LRMDA: variants seen among roughly 807,000 people sequenced by gnomAD.
LRMDA encodes the protein leucine-rich melanocyte differentiation-associated protein.
In LRMDA, 18 loss-of-function variants were observed where a neutral mutation model predicts 29.8. The observed-to-expected ratio is 0.60, with a 90% CI of 0.42 to 0.90. LRMDA has a LOEUF of 0.90. Among genes scored for constraint, LRMDA ranks in the 40% least tolerant of loss-of-function variants. LRMDA has a pLI of 0.00. For synonymous variants in LRMDA, 125 were observed against 109.4 expected (o/e 1.14, Z -0.89); for missense variants, 273 against 273.9 (o/e 1.00, Z 0.02).
rs533429965 is a variant in LRMDA, at chr10:75,736,515, A to G, written c.131+298021A>G. Among the ~76,000 whole-genome samples, 49 of 152,302 alleles carry G rather than the reference A, an allele frequency of 3.2e-4. 1 individual carries two copies. The South Asian group carries it at 8.9e-3, about 28-fold the overall frequency. On this transcript the variant is annotated intron_variant, in intron 2 of 6. Transcript: ENST00000611255. ...TACAGAGGCTTGATTGCATACTGTGAATACTGTTTATTGGAGAATGGGTAC... is the reference window on the plus strand; with the variant it reads ...TACAGAGGCTTGATTGCATACTGTGGATACTGTTTATTGGAGAATGGGTAC...
chr10:76,361,260 A>G (rs1841308492), intron 6 of LRMDA, among the ~76,000 whole-genome samples: 1 of 119,162 alleles, frequency 8.4e-6, no homozygotes, highest in South Asian at 2.8e-4. Context: ...GACTGTCTCA[A>G]AAAAAAAAAA....
chr10:76,303,967 C>T (rs1482586937), intron 5 of LRMDA, among the ~76,000 whole-genome samples: 2 of 152,090 alleles, frequency 1.3e-5, no homozygotes, highest in East Asian at 1.9e-4. Flanking sequence ...GGCCTCACTA[C>T]AACTCAGTTT....
chr10:75,654,663 T>A (rs1327843194), intron 2 of LRMDA, among the ~76,000 whole-genome samples: 2 of 152,166 alleles, frequency 1.3e-5, no homozygotes, highest in African/African-American at 2.4e-5. Context: ...CAAACCACAG[T>A]CATACACAGA....
At chr10:76,448,373 T>A (rs1385503499) in intron 6 of LRMDA, among the ~76,000 whole-genome samples, 1 of 152,116 alleles carries the variant, frequency 6.6e-6, no homozygotes, top group Non-Finnish European at 1.5e-5. Flanking sequence ...AATATCTCTC[T>A]TAGCATAAAT....
At chr10:75,458,494 A>G (rs1386881537) in intron 2 of LRMDA, among the ~76,000 whole-genome samples, 1 of 152,214 alleles carries the variant, frequency 6.6e-6, no homozygotes, top group Non-Finnish European at 1.5e-5. Flanking sequence ...TCTTCATTAG[A>G]ACAAAATAAA....
In LRMDA at chr10:75,982,219, C is replaced by G. The variant is rs184392175; in HGVS notation, c.132-53789C>G. On this transcript the variant is annotated intron_variant, in intron 2 of 6. Transcript: ENST00000611255. ...GCCTTTGGGGGTGAACCAGAATTTA[C>G]TGTGGTACTCTACACAGACAGTAGG... Among the ~76,000 whole-genome samples the G allele has an allele frequency of 3.2e-3, 492 of 152,302 alleles. 1 individual carries two copies. Among genetic ancestry groups the G allele is most frequent in the Middle Eastern group, 0.014 (4 of 294 alleles).
intron 2 of LRMDA, among the ~76,000 whole-genome samples, chr10:75,634,533 A>C (rs1265339731): frequency 1.3e-5 from 2 of 152,162 alleles, no homozygotes; most frequent in South Asian, 2.1e-4. Context: ...TCCCCAGGTG[A>C]CCAGTCCTCA....
At chr10:76,523,653 G>A (rs1843145188) in intron 6 of LRMDA, among the ~76,000 whole-genome samples, 1 of 152,158 alleles carries the variant, frequency 6.6e-6, no homozygotes, top group Non-Finnish European at 1.5e-5. Flanking sequence ...GTTATTTATG[G>A]TCCTCGTTCA....
intron 5 of LRMDA, among the ~76,000 whole-genome samples, chr10:76,226,562 G>C (rs185078578): frequency 1.8e-4 from 28 of 152,078 alleles, no homozygotes; most frequent in African/African-American, 6.5e-4. Flanking sequence ...CAGCCTTGGC[G>C]ACAAGAGCAA....
At chr10:75,883,960 T>C (rs369446441) in intron 2 of LRMDA, among the ~76,000 whole-genome samples, 11 of 151,922 alleles carry the variant, frequency 7.2e-5, no homozygotes, top group East Asian at 5.8e-4. Flanking sequence ...AAGCTATTCA[T>C]TGTGAGGCGT....
chr10:75,684,119 ATAAAT>A (rs772845979), intron 2 of LRMDA, among the ~76,000 whole-genome samples: 5 of 152,238 alleles, frequency 3.3e-5, no homozygotes. Context: ...TTGGGTAAAG[ATAAAT>A]TAAAACATAA....
intron 2 of LRMDA, among the ~76,000 whole-genome samples, chr10:75,456,929 G>A (rs567999650): frequency 6.6e-6 from 1 of 152,274 alleles, no homozygotes; most frequent in Non-Finnish European, 1.5e-5. Context: ...ACCTGCCTTG[G>A]CCTCCCAAAG....
At chr10:76,427,712 C>T (rs566295248) in intron 6 of LRMDA, among the ~76,000 whole-genome samples, 71 of 152,238 alleles carry the variant, frequency 4.7e-4, no homozygotes, top group African/African-American at 1.6e-3. Context: ...CCAGTTTTTG[C>T]CCATTCAGTA....
intron 5 of LRMDA, among the ~76,000 whole-genome samples, chr10:76,136,232 C>A (rs1375713322): frequency 2.0e-5 from 3 of 152,060 alleles, no homozygotes; most frequent in African/African-American, 7.2e-5. Context: ...GCAAAAAAGG[C>A]TTTCTTTCAA....
rs1382509619 is a variant in LRMDA, at chr10:75,770,781, G to A, written c.132-265227G>A. 4.6e-5 allele frequency among the ~76,000 whole-genome samples: 7 copies of A among 152,258 alleles called. No homozygotes were observed. In the East Asian group the frequency reaches 5.8e-4, roughly 13 times the overall value. ...ACATTTGTGGAAACTCTCCTTGCTC[G>A]GGTCTCATGCCACGCTATTTCATCA... is the stretch of plus-strand genomic sequence containing the variant. On this transcript the variant is annotated intron_variant, in intron 2 of 6. Coordinates refer to ENST00000611255, the MANE Select transcript of LRMDA (RefSeq NM_001305581.2).
chr10:76,424,762 A>G (rs1842106626), intron 6 of LRMDA, among the ~76,000 whole-genome samples: 1 of 152,242 alleles, frequency 6.6e-6, no homozygotes, highest in South Asian at 2.1e-4. Flanking sequence ...TAAGTGATGT[A>G]GAGAGATTTT....
chr10:75,549,719 A>G (rs1840119465), intron 2 of LRMDA, among the ~76,000 whole-genome samples: 1 of 152,186 alleles, frequency 6.6e-6, no homozygotes, highest in African/African-American at 2.4e-5. Flanking sequence ...GCATACAGTC[A>G]TGTAACCACC....
At chr10:75,815,426 C>T (rs1589216232) in intron 2 of LRMDA, among the ~76,000 whole-genome samples, 1 of 152,292 alleles carries the variant, frequency 6.6e-6, no homozygotes, top group Middle Eastern at 3.4e-3. Flanking sequence ...GTTCCCCTCT[C>T]CTTTTGTGTA....
chr10:76,506,468 T>TG (rs1842960046), intron 6 of LRMDA, among the ~76,000 whole-genome samples: 1 of 152,174 alleles, frequency 6.6e-6, no homozygotes, highest in Non-Finnish European at 1.5e-5. Flanking sequence ...CCCAGGAGGC[T>TG]GGGGCGACAA....
Sources: gnomAD v4.1 joint callset for allele counts (sites outside exome capture counted in the v4.1 genomes callset) on GRCh38, gnomAD v4.1.1 for gene constraint, MANE v1.5 for transcripts, NCBI Gene and HGNC (gene_info 2026-07-23, HGNC 2026-07-21) for gene names.